Variants in PARD3 observed in about 807,000 individuals in gnomAD.
PARD3 encodes partitioning defective 3 homolog.
Under a neutral mutation model 155.4 loss-of-function variants are expected in PARD3, and 75 were observed. The ratio of observed to expected loss-of-function variants is 0.48; its 90% confidence interval spans 0.40 to 0.58. The LOEUF is 0.58. PARD3 is among the 20% of genes least tolerant of loss of function. PARD3 has a pLI of 0.00. For synonymous variants in PARD3, 576 were observed against 610.5 expected, an observed-to-expected ratio of 0.94 and a Z score of 0.83; for missense variants, 1,642 against 1,721.7, an observed-to-expected ratio of 0.95 and a Z score of 0.82.
At chr10:34,395,334 C>T (rs563909746) in intron 7 of PARD3, among the ~76,000 whole-genome samples, 7 of 151,910 alleles carry the variant, frequency 4.6e-5, no homozygotes, top group South Asian at 2.1e-4. Flanking sequence ...TGCGCCCAGC[C>T]GATGGTTCTC....
intron 5 of PARD3, among the ~76,000 whole-genome samples, chr10:34,443,740 GC>G (rs1287286794): frequency 2.0e-5 from 3 of 152,066 alleles, no homozygotes; most frequent in Non-Finnish European, 2.9e-5. Flanking sequence ...TGGGGACACA[GC>G]CAAACCACAA....
intron 20 of PARD3, among the ~76,000 whole-genome samples, chr10:34,314,804 G>A (rs1957908646): frequency 6.6e-6 from 1 of 152,158 alleles, no homozygotes; most frequent in Admixed American, 6.6e-5. Context: ...TAATTAGGAA[G>A]TGATGCATTT....
intron 2 of PARD3, among the ~76,000 whole-genome samples, chr10:34,613,269 A>C (rs373430476): frequency 5.5e-4 from 84 of 152,342 alleles, no homozygotes; most frequent in African/African-American, 2.0e-3. Context: ...ACCTGTGTGC[A>C]CATACACACA....
chr10:34,360,293 G>C, intron 12 of PARD3, 34 bp from the exon 13 acceptor site: 1 of 1,464,724 alleles, frequency 6.8e-7, no homozygotes, highest in Non-Finnish European at 9.5e-7. Context: ...GCACATTATA[G>C]TCCAATGTTT....
At chr10:34,595,925 G>A (rs565064726) in intron 2 of PARD3, among the ~76,000 whole-genome samples, 25 of 152,198 alleles carry the variant, frequency 1.6e-4, no homozygotes, top group Admixed American at 1.5e-3. Context: ...CTAGGAGTTC[G>A]AGACCAGCCT....
intron 3 of PARD3, among the ~76,000 whole-genome samples, chr10:34,478,844 A>G (rs923999252): frequency 1.3e-5 from 2 of 152,116 alleles, no homozygotes; most frequent in East Asian, 3.9e-4. Flanking sequence ...CAATTTTCTA[A>G]TGACATATTA....
rs1032226642 is a variant in PARD3 at position 34,805,613 on chromosome 10, A to G, written c.120+9263T>C. 3.3e-5 allele frequency among the ~76,000 whole-genome samples: 5 copies of G among 150,626 alleles called. 1 individual carries two copies. In the South Asian group the frequency reaches 1.0e-3, roughly 32 times the overall value. On this transcript the variant is annotated intron_variant, in intron 1 of 24. Coordinates refer to ENST00000374788, the MANE Select transcript of PARD3 (RefSeq NM_001184785.2). The stretch of plus-strand genomic sequence containing the variant: ...GCAATATCATACATCTGTAATTCAC[A>G]AAGGGAATTGTCTTAGTCACTTCTG...
chr10:34,351,821 C>A (rs1445428164), intron 14 of PARD3, among the ~76,000 whole-genome samples: 2 of 152,214 alleles, frequency 1.3e-5, no homozygotes, highest in Non-Finnish European at 2.9e-5. Flanking sequence ...AGACATTTTG[C>A]TTCTAAATTA....
chr10:34,148,037 T>C (rs907770976), intron 22 of PARD3, among the ~76,000 whole-genome samples: 1 of 152,156 alleles, frequency 6.6e-6, no homozygotes, highest in African/African-American at 2.4e-5. Flanking sequence ...TACTGGTGTG[T>C]AGGGAAACTA....
At chr10:34,710,113 T>C (rs758012347) in intron 1 of PARD3, among the ~76,000 whole-genome samples, 1 of 152,174 alleles carries the variant, frequency 6.6e-6, no homozygotes, top group Non-Finnish European at 1.5e-5. Context: ...CCAAGATGCA[T>C]ATATTAAATG....
At chr10:34,341,332 C>G (rs1408885213) in intron 16 of PARD3, among the ~76,000 whole-genome samples, 1 of 152,048 alleles carries the variant, frequency 6.6e-6, no homozygotes, top group East Asian at 1.9e-4. Flanking sequence ...ATCAAATTAA[C>G]ACAGATGTGA....
At chr10:34,640,683 T>C (rs1457777761) in intron 2 of PARD3, among the ~76,000 whole-genome samples, 1 of 99,550 alleles carries the variant, frequency 1.0e-5, no homozygotes, top group Non-Finnish European at 1.9e-5. Flanking sequence ...TACTCCAGCT[T>C]GGACAACAGA....
chr10:34,603,450 A>G (rs957530497), intron 2 of PARD3, among the ~76,000 whole-genome samples: 2 of 152,228 alleles, frequency 1.3e-5, no homozygotes, highest in African/African-American at 4.8e-5. Flanking sequence ...CTTCTGCCTA[A>G]TTTGTTCCAA....
rs926376221 is a variant in PARD3 at position 34,149,261 on chromosome 10, C to A, written c.3420-17678G>T. On this transcript the variant is annotated intron_variant, in intron 22 of 24. Transcript: ENST00000374788. ...AGGTAGAAATCATCTAGTGATTATC[C>A]TGAGAGAGGTTTGAAACAGACTTCC... is the stretch of plus-strand genomic sequence containing the variant. Among the ~76,000 whole-genome samples the A allele has an allele frequency of 2.0e-5, 3 of 151,962 alleles. No individual in the cohort carries two copies. In the South Asian group the frequency reaches 6.2e-4, roughly 32 times the overall value.
chr10:34,582,165 AC>A (rs1297146564), intron 2 of PARD3, among the ~76,000 whole-genome samples: 4 of 152,242 alleles, frequency 2.6e-5, no homozygotes, highest in Non-Finnish European at 4.4e-5. Flanking sequence ...GTTCCAAATA[AC>A]ATTTGAAATA....
chr10:34,573,776 CACACACACAG>C lies in PARD3; in HGVS notation c.223-56627_223-56618del, dbSNP rs1414965852. 8.6e-3 allele frequency among the ~76,000 whole-genome samples: 1,244 copies of C among 144,700 alleles called. 23 individuals carry two copies. The highest frequency in any genetic ancestry group is 0.03 in the African/African-American group (1,145 of 37,792). 94.9% of individuals were successfully genotyped at this position (144,700 alleles called of 152,430 possible). On this transcript the variant is annotated intron_variant, in intron 2 of 24. Coordinates refer to ENST00000374788, the MANE Select transcript of PARD3 (RefSeq NM_001184785.2). ...ACACACACACACACACACACACACA[CACACACACAG>C]AGAATCAGCCTCCAAGTACCGAACT...
chr10:34,366,108 A>C (rs187911402), intron 12 of PARD3, among the ~76,000 whole-genome samples: 9 of 152,324 alleles, frequency 5.9e-5, no homozygotes, highest in African/African-American at 1.9e-4. Context: ...TCCTCAAAAA[A>C]ACACTGCATG....
At chr10:34,208,483 G>T (rs906158563) in intron 22 of PARD3, among the ~76,000 whole-genome samples, 2 of 152,212 alleles carry the variant, frequency 1.3e-5, no homozygotes, top group Non-Finnish European at 2.9e-5. Flanking sequence ...ACCACCAGGG[G>T]AATGCCAGCC....
intron 2 of PARD3, among the ~76,000 whole-genome samples, chr10:34,562,659 C>T (rs1043172807): frequency 3.3e-5 from 5 of 151,860 alleles, no homozygotes; most frequent in Admixed American, 2.0e-4. Context: ...TAAAACCAAG[C>T]AAAACATAGT....
Sources: gnomAD v4.1 joint callset for allele counts (sites outside exome capture counted in the v4.1 genomes callset) on GRCh38, gnomAD v4.1.1 for gene constraint, MANE v1.5 for transcripts, NCBI Gene and HGNC (gene_info 2026-07-23, HGNC 2026-07-21) for gene names.